SPIRE1: variants seen among roughly 807,000 people sequenced by gnomAD.
SPIRE1 encodes the protein spire type actin nucleation factor 1.
In SPIRE1, 40 loss-of-function variants were observed where a neutral mutation model predicts 94.1. The ratio of observed to expected loss-of-function variants is 0.43; its 90% CI spans 0.33 to 0.55. SPIRE1 has a LOEUF of 0.55. SPIRE1 is among the 20% of genes least tolerant of loss of function. The pLI is 0.06. For synonymous variants in SPIRE1, 376 were observed against 371.7 expected, an observed-to-expected ratio of 1.01 and a Z score of -0.13; for missense variants, 838 against 975.2, an observed-to-expected ratio of 0.86 and a Z score of 1.87.
intron 2 of SPIRE1, among the ~76,000 whole-genome samples, chr18:12,590,286 C>T (rs561458068): frequency 6.6e-6 from 1 of 152,164 alleles, no homozygotes; most frequent in East Asian, 1.9e-4. Context: ...GACAGGGTTT[C>T]ACCATGTTGG....
chr18:12,611,349 A>G (rs748958321), intron 2 of SPIRE1, among the ~76,000 whole-genome samples: 1 of 152,138 alleles, frequency 6.6e-6, no homozygotes, highest in African/African-American at 2.4e-5. Context: ...TTCTCTCTAT[A>G]TATCTTGGAT....
At chr18:12,581,763 C>A (rs1346358381) in intron 2 of SPIRE1, among the ~76,000 whole-genome samples, 2 of 152,032 alleles carry the variant, frequency 1.3e-5, no homozygotes, top group African/African-American at 4.8e-5. Flanking sequence ...ACTCGAGAGG[C>A]TGAGGCATGA....
intron 16 of SPIRE1, chr18:12,451,035 AG>A: frequency 2.0e-6 from 1 of 492,574 alleles, no homozygotes; most frequent in South Asian, 2.1e-5. Context: ...GGGGAGGAGG[AG>A]GAGGAGGAGG....
intron 4 of SPIRE1, among the ~76,000 whole-genome samples, chr18:12,527,065 T>C (rs1204966694): frequency 6.6e-6 from 1 of 152,148 alleles, no homozygotes; most frequent in African/African-American, 2.4e-5. Context: ...CTGATCCTAG[T>C]TCCTCTGACA....
chr18:12,574,489 G>A (rs1014336714), intron 2 of SPIRE1, among the ~76,000 whole-genome samples: 1 of 152,228 alleles, frequency 6.6e-6, no homozygotes, highest in Non-Finnish European at 1.5e-5. Flanking sequence ...TTTCTAGCTT[G>A]AGCTAGTAGG....
At chr18:12,611,280 GT>G (rs1195340129) in intron 2 of SPIRE1, among the ~76,000 whole-genome samples, 6 of 152,150 alleles carry the variant, frequency 3.9e-5, no homozygotes, top group Non-Finnish European at 5.9e-5. Flanking sequence ...CCCACACTGT[GT>G]CCATGTGATC....
At chr18:12,618,164 C>T (rs1384377792) in intron 2 of SPIRE1, among the ~76,000 whole-genome samples, 3 of 151,946 alleles carry the variant, frequency 2.0e-5, no homozygotes, top group South Asian at 2.1e-4. Flanking sequence ...TGCAGTGGTG[C>T]GATCTCGGCT....
At chr18:12,658,484 C>T (rs902715870), upstream of SPIRE1, 2 of 450,684 alleles carry the variant, frequency 4.4e-6, no homozygotes, top group Non-Finnish European at 9.3e-6. Flanking sequence ...TCAGGGAAGT[C>T]CCCGGCCGAC....
chr18:12,589,914 T>A (rs1361904580), intron 2 of SPIRE1, among the ~76,000 whole-genome samples: 1 of 152,232 alleles, frequency 6.6e-6, no homozygotes, highest in African/African-American at 2.4e-5. Flanking sequence ...AAACTTTATT[T>A]TTATAAAACA....
chr18:12,497,221 AAGAG>A (rs1306699184), intron 6 of SPIRE1, among the ~76,000 whole-genome samples: 1 of 152,256 alleles, frequency 6.6e-6, no homozygotes, highest in African/African-American at 2.4e-5. Flanking sequence ...TTTTAAGTAG[AAGAG>A]CTATTGTGGA....
chr18:12,592,708 T>C (rs774214331), intron 2 of SPIRE1, among the ~76,000 whole-genome samples: 2 of 152,220 alleles, frequency 1.3e-5, no homozygotes, highest in Non-Finnish European at 2.9e-5. Flanking sequence ...TGGCAGTAAC[T>C]GCAGAGTTAG....
chr18:12,577,016 A>T (rs1042031984), intron 2 of SPIRE1, among the ~76,000 whole-genome samples: 1 of 152,112 alleles, frequency 6.6e-6, no homozygotes, highest in Non-Finnish European at 1.5e-5. Context: ...ATGGATTTTT[A>T]ATGAAAGTGC....
At chr18:12,579,881 A>G (rs1380549936) in intron 2 of SPIRE1, among the ~76,000 whole-genome samples, 3 of 152,242 alleles carry the variant, frequency 2.0e-5, no homozygotes, top group Non-Finnish European at 2.9e-5. Context: ...TCGAGCCCTG[A>G]GCACAGGCCA....
chr18:12,579,136 T>A (rs1240351347), intron 2 of SPIRE1, among the ~76,000 whole-genome samples: 1 of 150,624 alleles, frequency 6.6e-6, no homozygotes, highest in African/African-American at 2.4e-5. Flanking sequence ...CAATCAAATC[T>A]GAACCAAGCT....
At chr18:12,513,506 T>C (rs894701714) in intron 4 of SPIRE1, among the ~76,000 whole-genome samples, 5 of 146,172 alleles carry the variant, frequency 3.4e-5, no homozygotes, top group Non-Finnish European at 7.6e-5. Flanking sequence ...TATTTATTTA[T>C]TTATTTATTT....
At chr18:12,452,601 T>C in intron 14 of SPIRE1, 89 bp from the exon 15 acceptor site, 1 of 1,320,704 alleles carries the variant, frequency 7.6e-7, no homozygotes, top group Non-Finnish European at 1.1e-6. Context: ...AGTTGTAAGT[T>C]TCCACAATAA....
chr18:12,529,152 G>A (rs1487404313), intron 4 of SPIRE1, among the ~76,000 whole-genome samples: 1 of 152,120 alleles, frequency 6.6e-6, no homozygotes, highest in Non-Finnish European at 1.5e-5. Context: ...GGCGGACCAC[G>A]AGGTCAGGAG....
chr18:12,579,200 TACACAC>T (rs60826359), intron 2 of SPIRE1, among the ~76,000 whole-genome samples: 23,722 of 118,952 alleles, frequency 0.2, 1,966 homozygotes, highest in Admixed American at 0.27. Context: ...CACACACACA[TACACAC>T]ACACACACAC....
Position 12,506,439 on chromosome 18 carries a change from G to A in SPIRE1, c.972+38C>T, listed in dbSNP as rs763717724. 64 of 1,601,002 alleles carry A rather than the reference G, an allele frequency of 4.0e-5. No homozygotes were observed. The Admixed American group carries it at 1.1e-3, about 26-fold the overall frequency. On this transcript the variant is annotated intron_variant, in intron 6 of 16. Coordinates refer to ENST00000409402, the MANE Select transcript of SPIRE1 (RefSeq NM_001128626.2). The stretch of plus-strand genomic sequence containing the variant: ...CTCCCAAAGTGCTGGGATTACAGGA[G>A]TGAGCCACATGCCCGGCCTGACAGC...
Sources: gnomAD v4.1 joint callset for allele counts (sites outside exome capture counted in the v4.1 genomes callset) on GRCh38, gnomAD v4.1.1 for gene constraint, MANE v1.5 for transcripts, NCBI Gene and HGNC (gene_info 2026-07-23, HGNC 2026-07-21) for gene names.